TLK2: variants seen among roughly 807,000 people sequenced by gnomAD.
TLK2 encodes serine/threonine-protein kinase tousled-like 2.
In TLK2, 6 loss-of-function variants were observed where a neutral mutation model predicts 117.3. The observed-to-expected ratio is 0.05, with a 90% CI of 0.03 to 0.10. The LOEUF (loss-of-function observed/expected upper bound fraction) is 0.10, where lower values mean the gene tolerates loss of function less well. Among genes scored for constraint, TLK2 ranks in the 10% least tolerant of loss-of-function variants. The pLI, the probability that TLK2 is intolerant of heterozygous loss-of-function variation, is 1.00. For missense variants in TLK2, 299 were observed against 901.2 expected, an observed-to-expected ratio of 0.33 and a Z score of 8.56; for synonymous variants, 257 against 316.7, an observed-to-expected ratio of 0.81 and a Z score of 2.00.
chr17:62,535,714 A>G (rs2077063371), intron 6 of TLK2, among the ~76,000 whole-genome samples: 1 of 152,100 alleles, frequency 6.6e-6, no homozygotes, highest in Non-Finnish European at 1.5e-5. Context: ...GGTTGCATGC[A>G]GTGAGAGCAG....
chr17:62,577,114 C>T (rs1270850515), intron 13 of TLK2, among the ~76,000 whole-genome samples: 1 of 152,008 alleles, frequency 6.6e-6, no homozygotes, highest in African/African-American at 2.4e-5. Flanking sequence ...AGGCACGTGC[C>T]ACCATACCCA....
At chr17:62,531,333 G>A (rs930248342) in intron 6 of TLK2, among the ~76,000 whole-genome samples, 1 of 151,960 alleles carries the variant, frequency 6.6e-6, no homozygotes. Flanking sequence ...TCAGTTCCCA[G>A]ATCCTGTTTT....
chr17:62,559,975 T>C, intron 9 of TLK2, 41 bp from the exon 10 acceptor site: 1 of 1,422,056 alleles, frequency 7.0e-7, no homozygotes, highest in Non-Finnish European at 9.7e-7. Flanking sequence ...TCCATTAATC[T>C]TCTTCCTTGG....
chr17:62,503,919 A>T (rs572308944), intron 2 of TLK2, among the ~76,000 whole-genome samples: 2 of 151,132 alleles, frequency 1.3e-5, no homozygotes, highest in East Asian at 3.9e-4. Flanking sequence ...TTTTTAGTAG[A>T]GACGGGGTTT....
intron 11 of TLK2, 190 bp from the exon 12 acceptor site, chr17:62,573,025 T>C (rs577984675): frequency 1.5e-4 from 88 of 581,090 alleles, no homozygotes; most frequent in African/African-American, 1.2e-3. Flanking sequence ...AAGCACAGAC[T>C]CATTCCCAGA....
intron 2 of TLK2, among the ~76,000 whole-genome samples, chr17:62,520,098 A>G (rs1367882205): frequency 3.9e-5 from 6 of 152,142 alleles, no homozygotes; most frequent in African/African-American, 1.4e-4. Flanking sequence ...TTTTCTGTGA[A>G]TGCTACCCCA....
chr17:62,471,888 CTTTTTTTTTTTTTTT>C (rs869092720), intron 1 of TLK2, among the ~76,000 whole-genome samples: 3 of 37,776 alleles, frequency 7.9e-5, no homozygotes, highest in Non-Finnish European at 1.3e-4. Flanking sequence ...GTAGTATAGT[CTTTTTTTTTTTTTTT>C]TTTTTTTTTT....
intron 8 of TLK2, 96 bp downstream of exon 8, chr17:62,552,493 T>A: frequency 6.3e-7 from 1 of 1,575,068 alleles, no homozygotes; most frequent in Non-Finnish European, 8.6e-7. Context: ...GACTTCTCTG[T>A]ATTTCTCTGA....
intron 9 of TLK2, among the ~76,000 whole-genome samples, chr17:62,556,300 T>G (rs1268992662): frequency 6.6e-6 from 1 of 152,246 alleles, no homozygotes; most frequent in Non-Finnish European, 1.5e-5. Context: ...GGCAGCTTTA[T>G]GACCAAATTT....
At chr17:62,475,961 T>C (rs2071033642), upstream of TLK2, among the ~76,000 whole-genome samples, 1 of 150,292 alleles carries the variant, frequency 6.7e-6, no homozygotes. Flanking sequence ...CTCCCAGCCT[T>C]AAATAATTAC....
chr17:62,605,944 C>T (rs1310682746), intron 19 of TLK2, among the ~76,000 whole-genome samples, 186 bp from the exon 20 acceptor site: 1 of 144,716 alleles, frequency 6.9e-6, no homozygotes, highest in Non-Finnish European at 1.5e-5. Context: ...GAGGTTGAGG[C>T]CGTAATGAGC....
At chr17:62,564,469 G>A (rs1598614958) in intron 10 of TLK2, among the ~76,000 whole-genome samples, 1 of 151,258 alleles carries the variant, frequency 6.6e-6, no homozygotes, top group East Asian at 1.9e-4. Context: ...CCGGGAGGTG[G>A]AGGTTGCAGT....
At chr17:62,612,088 T>G in intron 21 of TLK2, 1 of 205,508 alleles carries the variant, frequency 4.9e-6, no homozygotes, top group Non-Finnish European at 9.6e-6. Flanking sequence ...TTTTTTTTTC[T>G]GTTGGTCTTA....
At chr17:62,509,409 G>A (rs2543417) in intron 2 of TLK2, among the ~76,000 whole-genome samples, 3 of 152,080 alleles carry the variant, frequency 2.0e-5, no homozygotes, top group East Asian at 1.9e-4. Context: ...TTTAAGAAGC[G>A]GATACTTCTC....
At chr17:62,563,808 A>C (rs545773783) in intron 10 of TLK2, among the ~76,000 whole-genome samples, 1 of 152,224 alleles carries the variant, frequency 6.6e-6, no homozygotes. Context: ...CCTGTGTTCA[A>C]TGAATGATGT....
At chr17:62,608,015 A>G (rs766335694) in intron 20 of TLK2, 26 bp from the exon 21 acceptor site, 2 of 1,587,544 alleles carry the variant, frequency 1.3e-6, no homozygotes, top group African/African-American at 2.7e-5. Flanking sequence ...AGAGGCCTAC[A>G]TTATTTGTTT....
chr17:62,594,368 A>C lies in TLK2; in HGVS notation c.1461-2217A>C, dbSNP rs1598827244. 3.9e-5 allele frequency among the ~76,000 whole-genome samples: 6 copies of C among 152,304 alleles called. 1 individual carries two copies. The highest frequency in any genetic ancestry group is 3.9e-4 in the Admixed American group (6 of 15,302). ...GACCACAGTGAGCTGTGATCGCGCC[A>C]CTGCACTCCAGCCTTGGCAACAGAG... On this transcript the variant is annotated intron_variant, in intron 16 of 21. Coordinates refer to ENST00000346027, the MANE Select transcript of TLK2 (RefSeq NM_006852.6).
intron 2 of TLK2, among the ~76,000 whole-genome samples, chr17:62,502,846 T>C (rs1260968258): frequency 6.6e-6 from 1 of 152,188 alleles, no homozygotes; most frequent in Non-Finnish European, 1.5e-5. Context: ...TATTCTTGTT[T>C]CATGGATGAA....
intron 5 of TLK2, among the ~76,000 whole-genome samples, chr17:62,523,882 T>C (rs2076207616): frequency 6.6e-6 from 1 of 152,240 alleles, no homozygotes; most frequent in Non-Finnish European, 1.5e-5. Context: ...GACCCATCGT[T>C]AGTGGTTACT....
Sources: allele counts gnomAD v4.1 joint callset (sites outside exome capture counted in the v4.1 genomes callset), GRCh38; gene constraint gnomAD v4.1.1; transcripts MANE v1.5; gene names NCBI Gene and HGNC (gene_info 2026-07-23, HGNC 2026-07-21).